Variants in SAP130 observed in about 807,000 individuals in gnomAD.
The protein encoded by SAP130 is Sin3A associated protein 130.
Under a neutral mutation model 103.2 loss-of-function variants are expected in SAP130, and 16 were observed. The observed-to-expected ratio is 0.16, with a 90% CI of 0.10 to 0.24. The LOEUF (loss-of-function observed/expected upper bound fraction) is 0.24. Ranked by LOEUF, SAP130 falls within the 10% of genes least tolerant of loss-of-function variation. The pLI is 1.00. For synonymous variants in SAP130, 477 were observed against 497.0 expected (o/e 0.96, Z 0.53); for missense variants, 990 against 1,359.7 (o/e 0.73, Z 4.28).
At position 128,019,309 on chromosome 2, in the gene SAP130, C is replaced by A. The variant is rs1027191415; in HGVS notation, c.113-1394G>T. ...TTTGAGACAAGGTCTCACTCTGTCT[C>A]CCAGGCTGTAACGAAGTCACAGGAT... is the stretch of plus-strand genomic sequence containing the variant. On this transcript the variant is annotated intron_variant, in intron 2 of 20. Coordinates refer to ENST00000643581, the MANE Select transcript of SAP130 (RefSeq NM_001330301.2). Among the ~76,000 whole-genome samples, 3 of 151,840 alleles carry A rather than the reference C, an allele frequency of 2.0e-5. No individual in the cohort carries two copies. In the South Asian group the frequency reaches 6.2e-4, roughly 31 times the overall value.
chr2:128,007,580 G>A (rs1684064707), intron 7 of SAP130, among the ~76,000 whole-genome samples: 1 of 152,146 alleles, frequency 6.6e-6, no homozygotes, highest in African/African-American at 2.4e-5. Flanking sequence ...GGGTAGTTCT[G>A]TCTCTTTGTA....
At position 127,953,999 on chromosome 2, in the gene SAP130, C is replaced by T. The variant is rs554633048; in HGVS notation, c.2422+987G>A. Among the ~76,000 whole-genome samples the T allele has an allele frequency of 6.6e-6, 1 of 152,212 alleles. No homozygotes were observed. The highest frequency in any genetic ancestry group is 2.1e-4 in the South Asian group (1 of 4,818). On this transcript the variant is annotated intron_variant, in intron 16 of 20. Transcript: ENST00000643581. This position sits in a 1 kb window ranked among gnomAD's most constrained non-coding sequence, Gnocchi z 4.0. ...TTACACAAAGTTGCATCGTCAGTGC[C>T]CAGAACAATTCCTGGAATAGACTCC...
intron 14 of SAP130, 100 bp from the exon 15 acceptor site, chr2:127,978,189 T>C (rs1287538028): frequency 4.9e-6 from 4 of 819,216 alleles, no homozygotes; most frequent in Non-Finnish European, 8.2e-6. Flanking sequence ...TAGGACAAAA[T>C]AAAGCCCTAC....
intron 8 of SAP130, 23 bp from the exon 9 acceptor site, chr2:128,000,169 C>A: frequency 6.2e-7 from 1 of 1,611,986 alleles, no homozygotes; most frequent in Non-Finnish European, 8.5e-7. Flanking sequence ...CCCCACAACA[C>A]AGTTATAAGA....
chr2:127,941,923 A>G lies in SAP130; in HGVS notation c.*83T>C. 1 of 600,040 alleles carries G rather than the reference A, an allele frequency of 1.7e-6. No homozygotes were observed. The highest frequency in any genetic ancestry group is 3.0e-6 in the Non-Finnish European group (1 of 334,906). The allele number at this position is 600,040 out of a possible 1,614,324, so 37.2% of individuals were successfully genotyped here. A position where few individuals can be genotyped will look rare whatever the true frequency, so the allele number is the denominator to read the frequency against. ...AACACTTCCTTTATTTCAATGTTCC[A>G]CTTTGGAAAAAACCAAAACCCTCCC... On this transcript the variant is annotated 3_prime_UTR_variant, in exon 21 of 21. Coordinates refer to ENST00000643581, the MANE Select transcript of SAP130 (RefSeq NM_001330301.2).
At chr2:127,999,936 G>T in intron 9 of SAP130, 91 bp from the exon 10 acceptor site, 1 of 1,435,920 alleles carries the variant, frequency 7.0e-7, no homozygotes, top group Non-Finnish European at 9.6e-7. Context: ...CCTGGAAAAA[G>T]TTAAGAGAAT....
At chr2:127,952,651 T>G (rs1157691210) in intron 16 of SAP130, among the ~76,000 whole-genome samples, 1 of 152,170 alleles carries the variant, frequency 6.6e-6, no homozygotes, top group Non-Finnish European at 1.5e-5. Flanking sequence ...CTGTGACTTC[T>G]GTTTGCCAAA....
intron 7 of SAP130, among the ~76,000 whole-genome samples, chr2:128,008,169 A>G (rs1335116289): frequency 1.3e-5 from 2 of 152,146 alleles, no homozygotes; most frequent in African/African-American, 2.4e-5. Flanking sequence ...TCTTGTCTGC[A>G]CTATTGCCAA....
chr2:127,947,764 C>CTGTGAGTGTG (rs1679195470), intron 18 of SAP130, among the ~76,000 whole-genome samples: 1 of 143,312 alleles, frequency 7.0e-6, no homozygotes, highest in Non-Finnish European at 1.5e-5. Flanking sequence ...TTGTGTGTGT[C>CTGTGAGTGTG]TGTGTGTGTG....
rs1678694264 is a variant in SAP130 at position 127,941,359 on chromosome 2, T to A, written c.*647A>T. Reference sequence around the variant, plus strand: ...AGGATCTGAGAGCAACTTATGGTGTTGCCTGCTCTGAACCTCCACAAAAAC... The same window carrying A: ...AGGATCTGAGAGCAACTTATGGTGTAGCCTGCTCTGAACCTCCACAAAAAC... On this transcript the variant is annotated 3_prime_UTR_variant, in exon 21 of 21. Coordinates refer to ENST00000643581, the MANE Select transcript of SAP130 (RefSeq NM_001330301.2). 1 of 152,190 alleles carries A rather than the reference T, an allele frequency of 6.6e-6. No individual in the cohort carries two copies. Among genetic ancestry groups the A allele is most frequent in the South Asian group, 2.1e-4 (1 of 4,834 alleles). The allele number at this position is 152,190 out of a possible 1,614,324, so 9.4% of individuals were successfully genotyped here. A position where few individuals can be genotyped will look rare whatever the true frequency, so the allele number is the denominator to read the frequency against.
At position 127,955,053 on chromosome 2, in the gene SAP130, G is replaced by A; in HGVS notation, c.2355C>T (p.Gly785=). Reference sequence around the variant, plus strand: ...TCACTTTAATTTCAGGAACGGGAGGGCCCAAGACGGAGGAAAGACTGCCAC... The same window carrying A: ...TCACTTTAATTTCAGGAACGGGAGGACCCAAGACGGAGGAAAGACTGCCAC... ...TVGGSLSSVL[G]PPVPEIKVKE... is the part of the protein sequence containing the mutation. Residue 785 remains glycine (G), a synonymous_variant, in exon 16 of 21, where the codon GGC becomes GGT. Transcript: ENST00000643581. This position sits in a 1 kb window ranked among gnomAD's most constrained non-coding sequence, Gnocchi z 4.9. The A allele has an allele frequency of 6.2e-7, 1 of 1,614,040 alleles. No homozygotes were observed. Among genetic ancestry groups the A allele is most frequent in the Non-Finnish European group, 8.5e-7 (1 of 1,179,956 alleles).
Position 127,973,881 on chromosome 2 carries a change from C to T in SAP130, c.2063+4104G>A, listed in dbSNP as rs1337566762. Among the ~76,000 whole-genome samples, 29 of 152,036 alleles carry T rather than the reference C, an allele frequency of 1.9e-4. 2 individuals are homozygous for T. The highest frequency in any genetic ancestry group is 1.5e-5 in the Non-Finnish European group (1 of 68,020). The stretch of plus-strand genomic sequence containing the variant: ...TTGAGCCCAGGAGTTCCAGACCAGC[C>T]TGGGCAACATGGTGAAACCCCGTTT... On this transcript the variant is annotated intron_variant, in intron 15 of 20. Transcript: ENST00000643581.
rs370606264 is a variant in SAP130 at position 127,985,068 on chromosome 2, G to A, written c.1958+1717C>T. On this transcript the variant is annotated intron_variant, in intron 14 of 20. Transcript: ENST00000643581. ...CATTTAGCTTTCTCAGAGCCAGGAC[G>A]CCATCGCGTGATGGTCTGCTTCCCA... Among the ~76,000 whole-genome samples the A allele has an allele frequency of 3.9e-5, 6 of 152,338 alleles. No homozygotes were observed. The East Asian group carries it at 9.6e-4, about 24-fold the overall frequency.
At chr2:127,963,656 G>A (rs1240705653) in intron 15 of SAP130, among the ~76,000 whole-genome samples, 1 of 152,134 alleles carries the variant, frequency 6.6e-6, no homozygotes, top group Non-Finnish European at 1.5e-5. Context: ...TATGTGTTAC[G>A]AGAGGGACCC....
chr2:127,987,057 G>C, intron 13 of SAP130, 95 bp from the exon 14 acceptor site: 1 of 1,108,398 alleles, frequency 9.0e-7, no homozygotes, highest in South Asian at 1.5e-5. Flanking sequence ...CTAGAATTAG[G>C]TATCCATGTT....
rs144148671 is a variant in SAP130 at position 127,953,991 on chromosome 2, G to A, written c.2422+995C>T. ...CATTTGTCTTACACAAAGTTGCATCGTCAGTGCCCAGAACAATTCCTGGAA... is the reference window on the plus strand; with the variant it reads ...CATTTGTCTTACACAAAGTTGCATCATCAGTGCCCAGAACAATTCCTGGAA... On this transcript the variant is annotated intron_variant, in intron 16 of 20. Coordinates refer to ENST00000643581, the MANE Select transcript of SAP130 (RefSeq NM_001330301.2). This position sits in a 1 kb window ranked among gnomAD's most constrained non-coding sequence, Gnocchi z 4.0. Among the ~76,000 whole-genome samples the A allele has an allele frequency of 3.3e-5, 5 of 152,268 alleles. No individual in the cohort carries two copies. The highest frequency in any genetic ancestry group is 2.1e-4 in the South Asian group (1 of 4,824).
At position 127,986,772 on chromosome 2, in the gene SAP130, C is replaced by A; in HGVS notation, c.1958+13G>T. The A allele has an allele frequency of 6.2e-7, 1 of 1,611,394 alleles. No individual in the cohort carries two copies. The highest frequency in any genetic ancestry group is 8.5e-7 in the Non-Finnish European group (1 of 1,178,148). ...AACCAGAGGTGTCATTCGGCACTAC[C>A]AGGTCTACTCACCCATCTGTGGCAG... On this transcript the variant is annotated intron_variant, in intron 14 of 20. Coordinates refer to ENST00000643581, the MANE Select transcript of SAP130 (RefSeq NM_001330301.2). This position sits in a 1 kb window ranked among gnomAD's most constrained non-coding sequence, Gnocchi z 4.7.
At chr2:127,983,214 T>C (rs1682084958) in intron 14 of SAP130, among the ~76,000 whole-genome samples, 2 of 152,186 alleles carry the variant, frequency 1.3e-5, no homozygotes, top group Admixed American at 1.3e-4. Flanking sequence ...GAAGGCCATA[T>C]GGTACTACTG....
chr2:127,972,071 C>G (rs1020873434), intron 15 of SAP130, among the ~76,000 whole-genome samples: 18 of 152,176 alleles, frequency 1.2e-4, no homozygotes, highest in African/African-American at 4.1e-4. Flanking sequence ...ATGCTCTCTT[C>G]TTTCAGGTGC....
Sources: gnomAD v4.1 joint callset for allele counts (sites outside exome capture counted in the v4.1 genomes callset) on GRCh38, gnomAD v4.1.1 for gene constraint, Gnocchi (gnomAD v3.1) non-coding constraint, MANE v1.5 for transcripts, NCBI Gene and HGNC (gene_info 2026-07-23, HGNC 2026-07-21) for gene names.